The following LRRTM4 variants were observed in gnomAD, a reference collection of about 807,000 sequenced individuals.
LRRTM4 encodes the protein leucine-rich repeat transmembrane neuronal protein 4.
Under a neutral mutation model 47.6 loss-of-function variants are expected in LRRTM4, and 25 were observed. The ratio of observed to expected loss-of-function variants is 0.53; its 90% CI spans 0.38 to 0.73. The LOEUF is 0.73. LRRTM4 is among the 30% of genes least tolerant of loss of function. The pLI is 0.00. For missense variants in LRRTM4, 638 were observed against 713.4 expected, an observed-to-expected ratio of 0.89 and a Z score of 1.20; for synonymous variants, 311 against 269.5, an observed-to-expected ratio of 1.15 and a Z score of -1.51.
intron 3 of LRRTM4, among the ~76,000 whole-genome samples, chr2:76,994,687 A>G (rs1230794443): frequency 2.0e-5 from 3 of 152,026 alleles, no homozygotes; most frequent in African/African-American, 7.2e-5. Context: ...AATTAACAGA[A>G]TAAGATGAGT....
intron 3 of LRRTM4, among the ~76,000 whole-genome samples, chr2:77,159,844 C>T (rs1041284053): frequency 1.3e-5 from 2 of 152,122 alleles, no homozygotes; most frequent in African/African-American, 4.8e-5. Context: ...AATCCTTCTT[C>T]CACCATTTGC....
chr2:77,006,106 T>A (rs1677634154), intron 3 of LRRTM4, among the ~76,000 whole-genome samples: 1 of 152,196 alleles, frequency 6.6e-6, no homozygotes, highest in Admixed American at 6.6e-5. Flanking sequence ...TAAAATATTT[T>A]CTCACATATG....
chr2:77,470,388 T>C (rs1677143148), intron 3 of LRRTM4, among the ~76,000 whole-genome samples: 2 of 152,050 alleles, frequency 1.3e-5, no homozygotes, highest in South Asian at 4.1e-4. Flanking sequence ...AGAGACCAAA[T>C]AACACAAAGC....
chr2:76,953,138 A>G (rs1177175078), intron 3 of LRRTM4, among the ~76,000 whole-genome samples: 1 of 148,996 alleles, frequency 6.7e-6, no homozygotes, highest in East Asian at 2.0e-4. Flanking sequence ...TACCCACTGT[A>G]TCTAAAATAA....
At chr2:76,889,823 A>AAGAAAGAGAG (rs1019613476) in intron 3 of LRRTM4, among the ~76,000 whole-genome samples, 2 of 151,842 alleles carry the variant, frequency 1.3e-5, no homozygotes, top group African/African-American at 4.8e-5. Flanking sequence ...AGAGAGAAAG[A>AAGAAAGAGAG]AGAAAGAGAG....
At chr2:77,371,423 G>C (rs1240748777) in intron 3 of LRRTM4, among the ~76,000 whole-genome samples, 1 of 151,524 alleles carries the variant, frequency 6.6e-6, no homozygotes, top group Non-Finnish European at 1.5e-5. Context: ...TTTCAGAACT[G>C]TCCCCTTTCC....
At chr2:77,166,981 C>T (rs2103823618) in intron 3 of LRRTM4, among the ~76,000 whole-genome samples, 1 of 152,192 alleles carries the variant, frequency 6.6e-6, no homozygotes, top group Middle Eastern at 3.4e-3. Flanking sequence ...TAAAGAGCTT[C>T]TACACAGCAA....
intron 3 of LRRTM4, among the ~76,000 whole-genome samples, chr2:76,948,332 T>A (rs759036103): frequency 2.0e-5 from 3 of 151,904 alleles, no homozygotes; most frequent in Non-Finnish European, 4.4e-5. Context: ...GTAACCAACA[T>A]GACTGAACTC....
At chr2:77,166,615 C>A (rs558647674) in intron 3 of LRRTM4, among the ~76,000 whole-genome samples, 1 of 151,996 alleles carries the variant, frequency 6.6e-6, no homozygotes, top group East Asian at 1.9e-4. Context: ...GAGATATAGA[C>A]CAATGGAACA....
At chr2:77,051,027 T>A (rs6726516) in intron 3 of LRRTM4, among the ~76,000 whole-genome samples, 56,503 of 125,340 alleles carry the variant, frequency 0.45, 13,130 homozygotes, top group African/African-American at 0.71. Flanking sequence ...TTTTTTTTTT[T>A]TAAAATAGAT....
At position 76,901,600 on chromosome 2, in the gene LRRTM4, AT is replaced by A. The variant is rs1187495393; in HGVS notation, c.1552-152685del. On this transcript the variant is annotated intron_variant, in intron 3 of 3. Transcript: ENST00000409884. The stretch of plus-strand genomic sequence containing the variant: ...GTATCTCTAAGCACTGTAAAAAAAA[AT>A]TTTTAAAGACTTTTCTGTTTAATTG... Among the ~76,000 whole-genome samples the A allele has an allele frequency of 4.6e-5, 7 of 152,090 alleles. No individual in the cohort carries two copies. The South Asian group carries it at 1.5e-3, about 32-fold the overall frequency.
Position 77,156,857 on chromosome 2 carries a change from C to T in LRRTM4, c.1551+361461G>A, listed in dbSNP as rs561564318. Among the ~76,000 whole-genome samples, 28 of 152,004 alleles carry T rather than the reference C, an allele frequency of 1.8e-4. No homozygotes were observed. The South Asian group carries it at 5.8e-3, about 32-fold the overall frequency. On this transcript the variant is annotated intron_variant, in intron 3 of 3. Transcript: ENST00000409884. ...AAAGTGATGGGACTATAGATGTGAG[C>T]TACAGGGCCTGGCTCAACTTCTTAC... is the stretch of plus-strand genomic sequence containing the variant.
chr2:77,032,439 C>T (rs1210733148), intron 3 of LRRTM4, among the ~76,000 whole-genome samples: 2 of 152,074 alleles, frequency 1.3e-5, no homozygotes, highest in Admixed American at 1.3e-4. Context: ...TCTCCTTCCA[C>T]TAGATTATGA....
chr2:77,178,364 G>A (rs1254548259), intron 3 of LRRTM4, among the ~76,000 whole-genome samples: 1 of 152,104 alleles, frequency 6.6e-6, no homozygotes, highest in Non-Finnish European at 1.5e-5. Context: ...AAGGTGGGCA[G>A]GTCACGAGGT....
intron 3 of LRRTM4, among the ~76,000 whole-genome samples, chr2:76,863,514 A>G (rs1216434164): frequency 6.6e-6 from 1 of 152,150 alleles, no homozygotes; most frequent in Non-Finnish European, 1.5e-5. Context: ...AATGTCCTCA[A>G]GGTCACATAG....
chr2:76,836,338 T>C (rs940184082), intron 3 of LRRTM4, among the ~76,000 whole-genome samples: 4 of 152,022 alleles, frequency 2.6e-5, no homozygotes, highest in Non-Finnish European at 4.4e-5. Flanking sequence ...TGAGACAAGT[T>C]ATTTCTTGGC....
chr2:77,264,783 G>T (rs1209770913), intron 3 of LRRTM4, among the ~76,000 whole-genome samples: 1 of 151,972 alleles, frequency 6.6e-6, no homozygotes, highest in African/African-American at 2.4e-5. Flanking sequence ...AACACAATTA[G>T]AATGAAATGG....
At chr2:76,773,944 T>C (rs997716257) in intron 3 of LRRTM4, among the ~76,000 whole-genome samples, 2 of 151,850 alleles carry the variant, frequency 1.3e-5, no homozygotes, top group African/African-American at 2.4e-5. Context: ...ACATCTTCAA[T>C]TGAGATAATT....
At chr2:77,240,663 C>T (rs1414047462) in intron 3 of LRRTM4, among the ~76,000 whole-genome samples, 1 of 151,718 alleles carries the variant, frequency 6.6e-6, no homozygotes, top group Non-Finnish European at 1.5e-5. Context: ...GTTAAAAATC[C>T]CTAAGAATCT....
Sources: gnomAD v4.1 joint callset for allele counts (sites outside exome capture counted in the v4.1 genomes callset) on GRCh38, gnomAD v4.1.1 for gene constraint, MANE v1.5 for transcripts, NCBI Gene and HGNC (gene_info 2026-07-23, HGNC 2026-07-21) for gene names.